The following PTPRN2 variants were observed in gnomAD, a reference collection of about 807,000 sequenced individuals.
The protein encoded by PTPRN2 is receptor-type tyrosine-protein phosphatase N2.
Under a neutral mutation model 118.8 loss-of-function variants are expected in PTPRN2, and 74 were observed. The observed-to-expected ratio is 0.62, with a 90% confidence interval of 0.52 to 0.76. The LOEUF (loss-of-function observed/expected upper bound fraction) is 0.76. Among genes scored for constraint, PTPRN2 ranks in the 30% least tolerant of loss-of-function variants. The pLI, the probability that PTPRN2 is intolerant of heterozygous loss-of-function variation, is 0.00. For synonymous variants in PTPRN2, 641 were observed against 608.0 expected (o/e 1.05, Z -0.80); for missense variants, 1,481 against 1,394.4 (o/e 1.06, Z -0.99).
intron 2 of PTPRN2, among the ~76,000 whole-genome samples, chr7:158,341,381 C>T (rs534297491): frequency 1.8e-4 from 26 of 145,878 alleles, no homozygotes; most frequent in African/African-American, 5.9e-4. Flanking sequence ...TCACTCACAC[C>T]CACACTCTCA....
chr7:157,890,696 T>C (rs1355035721), intron 12 of PTPRN2, among the ~76,000 whole-genome samples: 1 of 152,188 alleles, frequency 6.6e-6, no homozygotes, highest in Non-Finnish European at 1.5e-5. Flanking sequence ...TTGGAACATC[T>C]ACGGATTTCT....
intron 1 of PTPRN2, among the ~76,000 whole-genome samples, chr7:158,550,208 C>T (rs540510540): frequency 6.6e-6 from 1 of 152,342 alleles, no homozygotes; most frequent in East Asian, 1.9e-4. Context: ...CACTGCCCGC[C>T]GGCTGAGCCC....
At position 157,596,974 on chromosome 7, in the gene PTPRN2, C is replaced by A. The variant is rs887175355; in HGVS notation, c.2419-1659G>T. ...CCCGGTGCTACCTTAAGTGCTGCTGCATTTGGGAAGCTGACGTGGGGCACG... is the reference window on the plus strand; with the variant it reads ...CCCGGTGCTACCTTAAGTGCTGCTGAATTTGGGAAGCTGACGTGGGGCACG... On this transcript the variant is annotated intron_variant, in intron 16 of 22. Coordinates refer to ENST00000389418, the MANE Select transcript of PTPRN2 (RefSeq NM_002847.5). The surrounding 1 kb of genome is among the most constrained non-coding windows in gnomAD (Gnocchi z 4.2). Among the ~76,000 whole-genome samples the A allele has an allele frequency of 6.6e-6, 1 of 152,182 alleles. No homozygotes were observed. The highest frequency in any genetic ancestry group is 2.4e-5 in the African/African-American group (1 of 41,432).
At chr7:158,380,492 G>A (rs1353843750) in intron 2 of PTPRN2, among the ~76,000 whole-genome samples, 2 of 152,214 alleles carry the variant, frequency 1.3e-5, no homozygotes, top group African/African-American at 4.8e-5. Flanking sequence ...CTGGGTCATG[G>A]TGATGCAAGA....
At chr7:157,717,450 GCTGA>G (rs1314093419) in intron 12 of PTPRN2, among the ~76,000 whole-genome samples, 3 of 152,256 alleles carry the variant, frequency 2.0e-5, no homozygotes, top group African/African-American at 7.2e-5. Context: ...TGCAGGGTCA[GCTGA>G]CTTAGTCAAA....
chr7:158,369,984 C>T (rs1049156494), intron 2 of PTPRN2, among the ~76,000 whole-genome samples: 43 of 152,290 alleles, frequency 2.8e-4, no homozygotes, highest in Admixed American at 2.0e-3. Flanking sequence ...TCAGAAACAC[C>T]GAGGGCAGAA....
intron 2 of PTPRN2, among the ~76,000 whole-genome samples, chr7:158,378,675 C>CTCCAGGGTCCAGGG (rs913295711): frequency 1.3e-5 from 2 of 150,118 alleles, no homozygotes; most frequent in Middle Eastern, 3.4e-3. Flanking sequence ...GTCCAGCACA[C>CTCCAGGGTCCAGGG]TCCAGGGTCC....
rs570042962 is a variant in PTPRN2 at position 157,591,529 on chromosome 7, G to A, written c.2496+3709C>T. Among the ~76,000 whole-genome samples, 10 of 152,316 alleles carry A rather than the reference G, an allele frequency of 6.6e-5. No individual in the cohort carries two copies. Among genetic ancestry groups the A allele is most frequent in the African/African-American group, 1.7e-4 (7 of 41,562 alleles). On this transcript the variant is annotated intron_variant, in intron 17 of 22. Transcript: ENST00000389418. This position sits in a 1 kb window ranked among gnomAD's most constrained non-coding sequence, Gnocchi z 4.4. ...TCCACCTTTGTCCTTAAAAATACAC[G>A]TTACCGTGGGTTTGGAAAAGTTCTG... is the stretch of plus-strand genomic sequence containing the variant.
intron 17 of PTPRN2, among the ~76,000 whole-genome samples, chr7:157,579,192 G>A (rs1269507766): frequency 6.6e-6 from 1 of 152,084 alleles, no homozygotes; most frequent in East Asian, 1.9e-4. Context: ...ATTGATTTAT[G>A]TTCTCACGGG....
At chr7:157,904,814 TGCACAAGGGCAGCCTCCAGG>T (rs1190044166) in intron 11 of PTPRN2, among the ~76,000 whole-genome samples, 4 of 152,198 alleles carry the variant, frequency 2.6e-5, no homozygotes, top group East Asian at 1.9e-4. Flanking sequence ...TCGCGAACGC[TGCACAAGGGCAGCCTCCAGG>T]GCACAAGGGC....
At chr7:158,362,360 G>T (rs1194898894) in intron 2 of PTPRN2, among the ~76,000 whole-genome samples, 1 of 150,340 alleles carries the variant, frequency 6.7e-6, no homozygotes, top group African/African-American at 2.5e-5. Flanking sequence ...CCAAAGCACA[G>T]GAAGAAAAAA....
At chr7:157,834,851 C>T (rs1435728453) in intron 12 of PTPRN2, among the ~76,000 whole-genome samples, 4 of 152,172 alleles carry the variant, frequency 2.6e-5, no homozygotes, top group African/African-American at 7.2e-5. Flanking sequence ...ATAAGAGCAC[C>T]GGACCCAGCT....
chr7:157,777,742 C>T (rs1054593231), intron 12 of PTPRN2, among the ~76,000 whole-genome samples: 2 of 152,194 alleles, frequency 1.3e-5, no homozygotes, highest in African/African-American at 2.4e-5. Flanking sequence ...AGGGCAGGCT[C>T]GCTCATTTAT....
intron 3 of PTPRN2, among the ~76,000 whole-genome samples, chr7:158,207,022 T>C (rs1467954989): frequency 7.0e-6 from 1 of 142,658 alleles, no homozygotes; most frequent in Non-Finnish European, 1.5e-5. Flanking sequence ...TGTGATCTCA[T>C]TGTTCAATTC....
chr7:157,886,881 T>C (rs1019948787), intron 12 of PTPRN2, among the ~76,000 whole-genome samples: 3 of 150,272 alleles, frequency 2.0e-5, no homozygotes, highest in African/African-American at 7.4e-5. Context: ...GGTGGGGCTG[T>C]CTGGGCCATC....
At chr7:157,753,776 G>A (rs1801624024) in intron 12 of PTPRN2, among the ~76,000 whole-genome samples, 1 of 152,152 alleles carries the variant, frequency 6.6e-6, no homozygotes, top group Non-Finnish European at 1.5e-5. Flanking sequence ...TGCGTGCATG[G>A]CTGCAGGTCC....
intron 2 of PTPRN2, among the ~76,000 whole-genome samples, chr7:158,390,857 C>T (rs183663819): frequency 4.8e-4 from 73 of 152,246 alleles, no homozygotes; most frequent in African/African-American, 1.7e-3. Flanking sequence ...AAAGAGGCTA[C>T]GAAAAATGGA....
At position 158,361,324 on chromosome 7, in the gene PTPRN2, ACCTGGGAC is replaced by A. The variant is rs1808930730; in HGVS notation, c.164-44400_164-44393del. On this transcript the variant is annotated intron_variant, in intron 2 of 22. Transcript: ENST00000389418. Reference sequence around the variant, plus strand: ...ACCCACAGACCCCGTGTCCACCCTCACCTGGGACGACTCACAAACCCTACGTCCACCCT... The same window carrying A: ...ACCCACAGACCCCGTGTCCACCCTCAGACTCACAAACCCTACGTCCACCCT... 2.2e-4 allele frequency among the ~76,000 whole-genome samples: 14 copies of A among 64,826 alleles called. 5 individuals are homozygous for A. Among genetic ancestry groups the A allele is most frequent in the South Asian group, 1.6e-3 (2 of 1,264 alleles). The allele number at this position is 64,826 out of a possible 152,430, so 42.5% of individuals were successfully genotyped here.
intron 12 of PTPRN2, among the ~76,000 whole-genome samples, chr7:157,850,547 C>A (rs946418773): frequency 6.6e-6 from 1 of 152,236 alleles, no homozygotes; most frequent in Admixed American, 6.5e-5. Context: ...GACAGTCCTG[C>A]ACCATCTCAC....
Sources: allele counts gnomAD v4.1 joint callset (sites outside exome capture counted in the v4.1 genomes callset), GRCh38; gene constraint gnomAD v4.1.1; non-coding constraint Gnocchi (gnomAD v3.1); transcripts MANE v1.5; gene names NCBI Gene and HGNC (gene_info 2026-07-23, HGNC 2026-07-21).